SAMD3: variants seen among roughly 807,000 people sequenced by gnomAD.
SAMD3 encodes the protein sterile alpha motif domain containing 3.
SAMD3 carries 63 observed loss-of-function variants against 58.5 expected under a neutral mutation model. That is an observed-to-expected ratio of 1.08 (90% CI 0.88 to 1.33). The LOEUF (loss-of-function observed/expected upper bound fraction) is 1.33. SAMD3 is among the 40% of genes most tolerant of loss of function. The probability of loss-of-function intolerance (pLI) is 0.00; values close to 1 mark genes in which losing one functional copy is unlikely to be tolerated. For missense variants in SAMD3, 604 were observed against 608.4 expected, an observed-to-expected ratio of 0.99 and a Z score of 0.08; for synonymous variants, 220 against 210.3, an observed-to-expected ratio of 1.05 and a Z score of -0.40.
chr6:130,347,474 T>C (rs1170871368), intron 1 of SAMD3, among the ~76,000 whole-genome samples: 1 of 152,040 alleles, frequency 6.6e-6, no homozygotes, highest in Non-Finnish European at 1.5e-5. Context: ...AGAAAGGGTG[T>C]CAGTGATGGA....
chr6:130,290,930 CTGAGTA>C (rs996066065), intron 2 of SAMD3, among the ~76,000 whole-genome samples: 1 of 152,100 alleles, frequency 6.6e-6, no homozygotes, highest in Non-Finnish European at 1.5e-5. Context: ...TCCTCTGGGT[CTGAGTA>C]TAAGGACAGC....
In SAMD3 at chr6:130,351,323, C is replaced by G. The variant is rs903178454; in HGVS notation, c.-304+13797G>C. 6.7e-4 allele frequency among the ~76,000 whole-genome samples: 102 copies of G among 152,098 alleles called. 1 individual carries two copies. Among genetic ancestry groups the G allele is most frequent in the Admixed American group, 3.1e-3 (47 of 15,276 alleles). On this transcript the variant is annotated intron_variant, in intron 1 of 13. Coordinates refer to the SAMD3 transcript ENST00000368134. ...AATGGGAGAAAATTTTTGCAATCTA[C>G]TCGTCTGACAAAGGGCCAATATCCA...
At chr6:130,308,390 AT>A (rs1776003615) in intron 2 of SAMD3, among the ~76,000 whole-genome samples, 1 of 144,320 alleles carries the variant, frequency 6.9e-6, no homozygotes, top group Non-Finnish European at 1.5e-5. Flanking sequence ...ATTCTATTCT[AT>A]TCTATTCTAT....
chr6:130,203,978 C>T (rs1252836907), intron 5 of SAMD3, among the ~76,000 whole-genome samples: 1 of 152,184 alleles, frequency 6.6e-6, no homozygotes, highest in Non-Finnish European at 1.5e-5. Context: ...AATCCATTGA[C>T]ATTTGCCTTA....
At chr6:130,158,289 A>T (rs1789972801) in intron 8 of SAMD3, among the ~76,000 whole-genome samples, 1 of 152,222 alleles carries the variant, frequency 6.6e-6, no homozygotes, top group African/African-American at 2.4e-5. Context: ...TAAAGCAGTG[A>T]TGGGAAAGTA....
intron 2 of SAMD3, among the ~76,000 whole-genome samples, chr6:130,271,780 T>C (rs1774571996): frequency 6.6e-6 from 1 of 152,208 alleles, no homozygotes; most frequent in Non-Finnish European, 1.5e-5. Context: ...GGAGGCCTCA[T>C]ATTCGTGGCA....
Position 130,184,110 on chromosome 6 carries a change from C to T in SAMD3, c.647G>A (p.Cys216Tyr). 4 of 1,613,596 alleles carry T rather than the reference C, an allele frequency of 2.5e-6. No homozygotes were observed. The highest frequency in any genetic ancestry group is 3.4e-6 in the Non-Finnish European group (4 of 1,179,552). Residue 216 changes from cysteine to tyrosine, a missense_variant, in exon 7 of 12, where the codon TGT becomes TAT. Cys to Tyr is a radical substitution (Grantham distance 194). Coordinates refer to ENST00000439090, the MANE Select transcript of SAMD3 (RefSeq NM_001017373.4). Reference protein sequence around the residue: ...QAHPFLDEDGCGFFLWKRALK... With the variant: ...QAHPFLDEDGYGFFLWKRALK... ...TGCCATGTGGTCACTTACGAAGCCACAGCCATCCTCATCCAGGAAAGGGTG... is the reference window on the plus strand; with the variant it reads ...TGCCATGTGGTCACTTACGAAGCCATAGCCATCCTCATCCAGGAAAGGGTG...
intron 2 of SAMD3, among the ~76,000 whole-genome samples, chr6:130,274,758 T>C (rs1774713931): frequency 6.6e-6 from 1 of 151,946 alleles, no homozygotes; most frequent in African/African-American, 2.4e-5. Context: ...ATATCTTTTT[T>C]TTTTTTGGTG....
chr6:130,201,068 G>A (rs1275311722), intron 5 of SAMD3, among the ~76,000 whole-genome samples: 1 of 152,042 alleles, frequency 6.6e-6, no homozygotes, highest in Non-Finnish European at 1.5e-5. Flanking sequence ...ATGTCCTGTT[G>A]ATTTTATATT....
rs1409737268 is a variant in SAMD3 at position 130,184,418 on chromosome 6, C to T, written c.569+20G>A. 6.2e-7 allele frequency: 1 copy of T among 1,608,354 alleles called. No individual in the cohort carries two copies. On this transcript the variant is annotated intron_variant, in intron 6 of 11. Transcript: ENST00000439090. ...ACAGACCCTTTCCCAAAGCAGCAAG[C>T]TTGTCCTGTTGTCACTCACAGTGAG...
chr6:130,354,549 C>T (rs1017154499), intron 1 of SAMD3, among the ~76,000 whole-genome samples: 1 of 152,170 alleles, frequency 6.6e-6, no homozygotes, highest in Non-Finnish European at 1.5e-5. Context: ...AGGAGGCCAT[C>T]ATCCTTAGCA....
chr6:130,161,139 A>T (rs1386674840), intron 8 of SAMD3: 1 of 152,072 alleles, frequency 6.6e-6, no homozygotes, highest in Non-Finnish European at 1.5e-5. Context: ...GGGGAGGAAA[A>T]CTCAGGCACA....
At chr6:130,280,396 T>C (rs12206502) in intron 2 of SAMD3, among the ~76,000 whole-genome samples, 48,210 of 151,982 alleles carry the variant, frequency 0.32, 7,867 homozygotes, top group East Asian at 0.47. Context: ...TATTTTCCTG[T>C]CCCCTCCGGC....
intron 5 of SAMD3, among the ~76,000 whole-genome samples, chr6:130,197,623 T>G (rs1794262945): frequency 6.6e-6 from 1 of 151,992 alleles, no homozygotes; most frequent in Non-Finnish European, 1.5e-5. Context: ...AACCCCACAA[T>G]ATCACCCCTT....
intron 5 of SAMD3, among the ~76,000 whole-genome samples, chr6:130,203,861 G>A (rs747307109): frequency 5.9e-5 from 9 of 152,182 alleles, no homozygotes; most frequent in African/African-American, 9.7e-5. Context: ...CTTCCTTGCA[G>A]CTTCCCTTTA....
intron 2 of SAMD3, among the ~76,000 whole-genome samples, chr6:130,288,769 G>C (rs956885564): frequency 1.3e-5 from 2 of 152,184 alleles, no homozygotes; most frequent in African/African-American, 4.8e-5. Context: ...TAGGTGAGTG[G>C]GAGAGTAGTT....
intron 1 of SAMD3, chr6:130,221,511 G>C (rs376647072): frequency 1.1e-4 from 16 of 152,196 alleles, no homozygotes; most frequent in African/African-American, 3.6e-4. Context: ...TGATAACATA[G>C]ACAATTAACA....
chr6:130,206,144 C>T (rs1229357484), intron 5 of SAMD3, among the ~76,000 whole-genome samples: 3 of 152,202 alleles, frequency 2.0e-5, no homozygotes, highest in African/African-American at 4.8e-5. Flanking sequence ...TCTTTATGGG[C>T]CCCTCCTCCC....
intron 2 of SAMD3, among the ~76,000 whole-genome samples, chr6:130,304,021 T>A (rs1295753171): frequency 1.3e-5 from 2 of 152,230 alleles, no homozygotes; most frequent in African/African-American, 4.8e-5. Flanking sequence ...CTTGAGTGTA[T>A]AAACATTTAT....
Sources: allele counts gnomAD v4.1 joint callset (sites outside exome capture counted in the v4.1 genomes callset), GRCh38; gene constraint gnomAD v4.1.1; transcripts MANE v1.5; gene names NCBI Gene and HGNC (gene_info 2026-07-23, HGNC 2026-07-21).